The following PIK3R1 variants were observed in gnomAD, a reference collection of about 807,000 sequenced individuals.
PIK3R1 encodes phosphatidylinositol 3-kinase regulatory subunit alpha.
Under a neutral mutation model 98.0 loss-of-function variants are expected in PIK3R1, and 29 were observed. That is an observed-to-expected ratio of 0.30 (90% confidence interval 0.22 to 0.40). The LOEUF is 0.40. Ranked by LOEUF, PIK3R1 falls within the 10% of genes least tolerant of loss-of-function variation. The probability of loss-of-function intolerance (pLI) is 1.00; values close to 1 mark genes in which losing one functional copy is unlikely to be tolerated. For synonymous variants in PIK3R1, 282 were observed against 311.8 expected (o/e 0.90, Z 1.01); for missense variants, 596 against 872.7 (o/e 0.68, Z 3.99).
chr5:68,216,417 C>T (rs1428256637), intron 1 of PIK3R1, among the ~76,000 whole-genome samples: 1 of 152,176 alleles, frequency 6.6e-6, no homozygotes, highest in Non-Finnish European at 1.5e-5. Context: ...CCTCCAGCTG[C>T]AGCCAGGGTC....
At chr5:68,283,841 A>C (rs1442213046) in intron 7 of PIK3R1, among the ~76,000 whole-genome samples, 1 of 152,188 alleles carries the variant, frequency 6.6e-6, no homozygotes, top group Non-Finnish European at 1.5e-5. Context: ...GGATTTTTGG[A>C]AACTTCGTGA....
chr5:68,222,937 G>C (rs1488132612), intron 1 of PIK3R1, among the ~76,000 whole-genome samples: 3 of 151,982 alleles, frequency 2.0e-5, no homozygotes, highest in African/African-American at 7.3e-5. Context: ...TCGTGACAGA[G>C]ATATTTTCTG....
intron 4 of PIK3R1, among the ~76,000 whole-genome samples, chr5:68,278,757 T>C (rs553708918): frequency 0.013 from 1,962 of 152,064 alleles, 46 homozygotes; most frequent in African/African-American, 0.044. Context: ...CTGACCAACA[T>C]GATGAAACCC....
intron 2 of PIK3R1, among the ~76,000 whole-genome samples, chr5:68,265,981 C>T (rs949536722): frequency 4.6e-5 from 7 of 152,290 alleles, no homozygotes; most frequent in South Asian, 4.1e-4. Context: ...AGTGCTTGTT[C>T]GGTCTGGCTG....
chr5:68,300,181 A>G lies in PIK3R1; in HGVS notation c.*2580A>G, dbSNP rs1042496613. On this transcript the variant is annotated 3_prime_UTR_variant, in exon 16 of 16. Transcript: ENST00000521381. ...ATTTGCCTTATTTTTGCATCTCACA[A>G]ACATAAGTGCAATAGATCTTTTCAT... The G allele has an allele frequency of 4.3e-6, 1 of 233,136 alleles. No homozygotes were observed. The highest frequency in any genetic ancestry group is 8.5e-6 in the Non-Finnish European group (1 of 118,042). The allele number at this position is 233,136 out of a possible 1,614,324, so 14.4% of individuals were successfully genotyped here. A position where few individuals can be genotyped will look rare whatever the true frequency, so the allele number is the denominator to read the frequency against.
chr5:68,256,172 C>G (rs1019671145), intron 2 of PIK3R1, among the ~76,000 whole-genome samples: 1 of 152,096 alleles, frequency 6.6e-6, no homozygotes, highest in Non-Finnish European at 1.5e-5. Context: ...CTGACCACCC[C>G]ACTCTGTTTT....
intron 2 of PIK3R1, among the ~76,000 whole-genome samples, chr5:68,265,151 T>C (rs1422874215): frequency 6.6e-6 from 1 of 152,140 alleles, no homozygotes; most frequent in Non-Finnish European, 1.5e-5. Context: ...CTGTTGGAAA[T>C]GCAGAATCCC....
rs1747825879 is a variant in PIK3R1 at position 68,297,965 on chromosome 5, G to C, written c.*364G>C. On this transcript the variant is annotated 3_prime_UTR_variant, in exon 16 of 16. Transcript: ENST00000521381. ...GTTAATGCTTTCTGAAGCTTTACCAGCTGAAAGTTGGGACTCTGGAGAGCG... is the reference window on the plus strand; with the variant it reads ...GTTAATGCTTTCTGAAGCTTTACCACCTGAAAGTTGGGACTCTGGAGAGCG... The C allele has an allele frequency of 4.2e-6, 1 of 239,944 alleles. No homozygotes were observed. Among genetic ancestry groups the C allele is most frequent in the East Asian group, 6.0e-5 (1 of 16,622 alleles). The allele number at this position is 239,944 out of a possible 1,614,324, so 14.9% of individuals were successfully genotyped here. A position where few individuals can be genotyped will look rare whatever the true frequency, so the allele number is the denominator to read the frequency against.
At chr5:68,223,497 T>C (rs542454061) in intron 1 of PIK3R1, among the ~76,000 whole-genome samples, 2 of 152,234 alleles carry the variant, frequency 1.3e-5, no homozygotes, top group East Asian at 3.9e-4. Flanking sequence ...TGGCCTTACT[T>C]TGGGGTCTCA....
Position 68,298,151 on chromosome 5 carries a change from A to G in PIK3R1, c.*550A>G. The G allele has an allele frequency of 4.3e-6, 1 of 231,610 alleles. No homozygotes were observed. The highest frequency in any genetic ancestry group is 5.6e-5 in the Admixed American group (1 of 17,746). The allele number at this position is 231,610 out of a possible 1,614,324, so 14.3% of individuals were successfully genotyped here. The stretch of plus-strand genomic sequence containing the variant: ...TAGCAGAAAGGCACGTCCACTCACA[A>G]GGGACGCTTTGGGAGAATGTCAGTT... On this transcript the variant is annotated 3_prime_UTR_variant, in exon 16 of 16. Coordinates refer to ENST00000521381, the MANE Select transcript of PIK3R1 (RefSeq NM_181523.3).
At chr5:68,252,488 C>T (rs1237816432) in intron 2 of PIK3R1, among the ~76,000 whole-genome samples, 1 of 151,956 alleles carries the variant, frequency 6.6e-6, no homozygotes, top group African/African-American at 2.4e-5. Flanking sequence ...AATGTGGTTC[C>T]AATTTGTTGT....
At chr5:68,287,373 T>C (rs958413985) in intron 7 of PIK3R1, among the ~76,000 whole-genome samples, 6 of 152,154 alleles carry the variant, frequency 3.9e-5, no homozygotes, top group African/African-American at 1.4e-4. Flanking sequence ...AGAAGGGCAT[T>C]TGAAACCATC....
chr5:68,296,381 G>A (rs746509936), intron 15 of PIK3R1, 40 bp downstream of exon 15: 2 of 1,530,136 alleles, frequency 1.3e-6, no homozygotes, highest in Non-Finnish European at 1.8e-6. Flanking sequence ...AACATCTCAT[G>A]AAGAGATGTT....
chr5:68,252,087 A>G (rs1453480188), intron 2 of PIK3R1, among the ~76,000 whole-genome samples: 3 of 152,162 alleles, frequency 2.0e-5, no homozygotes, highest in Non-Finnish European at 4.4e-5. Context: ...AAGAGCAACA[A>G]CTGGTCAAGA....
chr5:68,229,953 C>T (rs1272922250), intron 2 of PIK3R1, among the ~76,000 whole-genome samples: 1 of 152,196 alleles, frequency 6.6e-6, no homozygotes. Context: ...TGTTTTTGGA[C>T]TTAAATACAT....
At chr5:68,225,162 G>A (rs1744227478) in intron 1 of PIK3R1, among the ~76,000 whole-genome samples, 1 of 151,770 alleles carries the variant, frequency 6.6e-6, no homozygotes, top group Admixed American at 6.6e-5. Flanking sequence ...TTGTTTTTGG[G>A]ATGTTGTCTC....
chr5:68,220,848 A>G (rs1288693403), intron 1 of PIK3R1, among the ~76,000 whole-genome samples: 3 of 152,216 alleles, frequency 2.0e-5, no homozygotes, highest in Non-Finnish European at 4.4e-5. Flanking sequence ...TCCACATACC[A>G]TAAAATTCAC....
chr5:68,264,377 T>G (rs1329708263), intron 2 of PIK3R1, among the ~76,000 whole-genome samples: 1 of 152,220 alleles, frequency 6.6e-6, no homozygotes, highest in Non-Finnish European at 1.5e-5. Flanking sequence ...AAAGGCAACC[T>G]AGATTCACAG....
In PIK3R1 at chr5:68,226,560, C is replaced by A; in HGVS notation, c.-116C>A. ...TTGGAGAGTGGTCCTTTGTCCTCTG[C>A]TGGACACATAATAGGAATTCTAACA... On this transcript the variant is annotated 5_prime_UTR_variant, in exon 2 of 16. In the 5' UTR this introduces an upstream ATG that the reference lacks. Transcript: ENST00000521381. The A allele has an allele frequency of 1.2e-6, 1 of 831,962 alleles. No homozygotes were observed. Among genetic ancestry groups the A allele is most frequent in the Non-Finnish European group, 1.9e-6 (1 of 524,432 alleles). The allele number at this position is 831,962 out of a possible 1,614,324, so 51.5% of individuals were successfully genotyped here. A position where few individuals can be genotyped will look rare whatever the true frequency, so the allele number is the denominator to read the frequency against.
Sources: gnomAD v4.1 joint callset for allele counts (sites outside exome capture counted in the v4.1 genomes callset) on GRCh38, gnomAD v4.1.1 for gene constraint, MANE v1.5 for transcripts, NCBI Gene and HGNC (gene_info 2026-07-23, HGNC 2026-07-21) for gene names.